CREBRF: variants seen among roughly 807,000 people sequenced by gnomAD.
The protein encoded by CREBRF is CREB3 regulatory factor.
Under a neutral mutation model 66.1 loss-of-function variants are expected in CREBRF, and 5 were observed. The observed-to-expected ratio is 0.08, with a 90% CI of 0.04 to 0.16. The LOEUF is 0.16. CREBRF is among the 10% of genes least tolerant of loss of function. The pLI, the probability that CREBRF is intolerant of heterozygous loss-of-function variation, is 1.00. For synonymous variants in CREBRF, 229 were observed against 264.4 expected (o/e 0.87, Z 1.30); for missense variants, 531 against 744.9 (o/e 0.71, Z 3.34).
intron 1 of CREBRF, among the ~76,000 whole-genome samples, chr5:173,065,802 C>T (rs1008563005): frequency 1.3e-5 from 2 of 150,878 alleles, no homozygotes; most frequent in African/African-American, 4.9e-5. Context: ...GCCACCATGC[C>T]CAGCTAATTT....
intron 1 of CREBRF, among the ~76,000 whole-genome samples, chr5:173,079,565 A>G (rs1581669097): frequency 6.6e-6 from 1 of 152,180 alleles, no homozygotes; most frequent in East Asian, 1.9e-4. Context: ...GTGTAAATTG[A>G]CTGTTTACCA....
intron 1 of CREBRF, among the ~76,000 whole-genome samples, chr5:173,057,180 G>A (rs761632015): frequency 2.0e-5 from 3 of 152,142 alleles, no homozygotes; most frequent in Non-Finnish European, 2.9e-5. Context: ...GCAGGCTCTG[G>A]CGTCCAATGG....
chr5:173,098,926 C>G (rs1229831282), intron 4 of CREBRF, among the ~76,000 whole-genome samples: 1 of 149,172 alleles, frequency 6.7e-6, no homozygotes, highest in African/African-American at 2.5e-5. Flanking sequence ...ACCCAGGCTG[C>G]TGGTGTGCAC....
chr5:173,077,702 A>G (rs1216693352), intron 1 of CREBRF, among the ~76,000 whole-genome samples: 2 of 151,982 alleles, frequency 1.3e-5, no homozygotes, highest in African/African-American at 2.4e-5. Flanking sequence ...CCTCCAGAAC[A>G]CTTTTATCAT....
chr5:173,082,514 A>G (rs1757986592), intron 2 of CREBRF, among the ~76,000 whole-genome samples: 1 of 152,084 alleles, frequency 6.6e-6, no homozygotes, highest in Non-Finnish European at 1.5e-5. Context: ...CCGGTTTGTG[A>G]AAGATAGAAA....
intron 2 of CREBRF, among the ~76,000 whole-genome samples, chr5:173,084,792 C>T (rs1337076088): frequency 6.6e-6 from 1 of 152,118 alleles, no homozygotes; most frequent in Non-Finnish European, 1.5e-5. Context: ...CAGGTGCCCG[C>T]CACCACACCC....
At chr5:173,115,575 G>A (rs1758969188) in intron 7 of CREBRF, among the ~76,000 whole-genome samples, 1 of 152,154 alleles carries the variant, frequency 6.6e-6, no homozygotes, top group East Asian at 1.9e-4. Context: ...AAGTGATATA[G>A]GAGGTTAGCT....
At chr5:173,068,529 G>A (rs1402047729) in intron 1 of CREBRF, among the ~76,000 whole-genome samples, 4 of 152,310 alleles carry the variant, frequency 2.6e-5, no homozygotes, top group Middle Eastern at 3.4e-3. Context: ...ACAATAAAGA[G>A]CAATAATCTT....
chr5:173,133,869 T>C lies in CREBRF; in HGVS notation c.*124T>C. 2 of 556,432 alleles carry C rather than the reference T, an allele frequency of 3.6e-6. No homozygotes were observed. The highest frequency in any genetic ancestry group is 6.4e-6 in the Non-Finnish European group (2 of 310,438). The allele number at this position is 556,432 out of a possible 1,614,324, so 34.5% of individuals were successfully genotyped here. A position where few individuals can be genotyped will look rare whatever the true frequency, so the allele number is the denominator to read the frequency against. On this transcript the variant is annotated 3_prime_UTR_variant, in exon 9 of 9. Transcript: ENST00000296953. ...ACATTTACAATTAGGTTACATTGTT[T>C]TAAGAACTAAGTAGCATAAGTGAAG...
At chr5:173,110,495 C>T in intron 5 of CREBRF, 27 bp from the exon 6 acceptor site, 1 of 1,560,668 alleles carries the variant, frequency 6.4e-7, no homozygotes, top group Non-Finnish European at 8.8e-7. Context: ...AGTGATCTGA[C>T]TTAAACTTCT....
intron 2 of CREBRF, chr5:173,086,119 C>A: frequency 1.2e-6 from 1 of 803,560 alleles, no homozygotes; most frequent in South Asian, 1.3e-5. Flanking sequence ...GTACGTTATT[C>A]CGATGGAAAT....
chr5:173,065,139 T>C (rs1237713131), intron 1 of CREBRF, among the ~76,000 whole-genome samples: 1 of 152,144 alleles, frequency 6.6e-6, no homozygotes, highest in Admixed American at 6.6e-5. Flanking sequence ...CAGAACAAAA[T>C]GTTCTGAAAT....
At chr5:173,125,128 C>T (rs925248484) in intron 8 of CREBRF, among the ~76,000 whole-genome samples, 4 of 151,978 alleles carry the variant, frequency 2.6e-5, no homozygotes, top group African/African-American at 9.7e-5. Flanking sequence ...CCATGTTGGC[C>T]AGGCTGGTCT....
At chr5:173,082,014 T>TTTTTTTTTTTTGTTTTG (rs1757966276) in intron 2 of CREBRF, among the ~76,000 whole-genome samples, 5 of 113,784 alleles carry the variant, frequency 4.4e-5, no homozygotes, top group Admixed American at 8.6e-5. Flanking sequence ...TTTTTTTTTT[T>TTTTTTTTTTTTGTTTTG]TTTTTTTTTT....
rs1199574310 is a variant in CREBRF at position 173,082,019 on chromosome 5, T to G, written c.9+1235T>G. On this transcript the variant is annotated intron_variant, in intron 2 of 8. Transcript: ENST00000296953. ...CAAGGTTTAGTTTTTTTTTTTTTTT[T>G]TTTTTTTTTTTTGAGCTGGAGTCTC... Among the ~76,000 whole-genome samples the G allele has an allele frequency of 3.0e-5, 4 of 131,850 alleles. No individual in the cohort carries two copies. In the South Asian group the frequency reaches 1.1e-3, roughly 36 times the overall value. 86.5% of individuals were successfully genotyped at this position (131,850 alleles called of 152,430 possible).
At chr5:173,065,044 A>G (rs923924838) in intron 1 of CREBRF, among the ~76,000 whole-genome samples, 5 of 152,122 alleles carry the variant, frequency 3.3e-5, no homozygotes, top group African/African-American at 1.2e-4. Flanking sequence ...TAAGGTTTTC[A>G]TCTTTACCTT....
intron 7 of CREBRF, 86 bp downstream of exon 7, chr5:173,112,465 G>T (rs969779866): frequency 4.3e-6 from 4 of 930,788 alleles, no homozygotes; most frequent in Admixed American, 2.4e-5. Context: ...ATTTGCTTTC[G>T]CTGTATTCTG....
At chr5:173,064,199 G>A (rs1019345194) in intron 1 of CREBRF, among the ~76,000 whole-genome samples, 1 of 152,062 alleles carries the variant, frequency 6.6e-6, no homozygotes, top group Non-Finnish European at 1.5e-5. Flanking sequence ...TGGAATTGCT[G>A]CCTTTTCTAT....
intron 8 of CREBRF, among the ~76,000 whole-genome samples, chr5:173,128,923 G>A (rs897684638): frequency 6.6e-6 from 1 of 151,276 alleles, no homozygotes; most frequent in African/African-American, 2.4e-5. Context: ...TGGGACTACA[G>A]GTGCCCGCCA....
Sources: allele counts gnomAD v4.1 joint callset (sites outside exome capture counted in the v4.1 genomes callset), GRCh38; gene constraint gnomAD v4.1.1; transcripts MANE v1.5; gene names NCBI Gene and HGNC (gene_info 2026-07-23, HGNC 2026-07-21).